Variants in LGR6 observed in about 807,000 individuals in gnomAD.
LGR6 encodes leucine rich repeat containing G protein-coupled receptor 6.
In LGR6, 45 loss-of-function variants were observed where a neutral mutation model predicts 69.4. The observed-to-expected ratio is 0.65, with a 90% confidence interval of 0.51 to 0.83. The LOEUF is 0.83. Among genes scored for constraint, LGR6 ranks in the 40% least tolerant of loss-of-function variants. The probability of loss-of-function intolerance (pLI) is 0.00; values close to 1 mark genes in which losing one functional copy is unlikely to be tolerated. For missense variants in LGR6, 1,108 were observed against 1,246.7 expected, an observed-to-expected ratio of 0.89 and a Z score of 1.68; for synonymous variants, 538 against 555.0, an observed-to-expected ratio of 0.97 and a Z score of 0.43.
At chr1:202,218,850 A>G (rs1180037556) in intron 1 of LGR6, among the ~76,000 whole-genome samples, 1 of 152,190 alleles carries the variant, frequency 6.6e-6, no homozygotes, top group Non-Finnish European at 1.5e-5. Context: ...AGCAGTTTGT[A>G]AACTACAAAG....
intron 4 of LGR6, among the ~76,000 whole-genome samples, chr1:202,240,496 T>C (rs1662096385): frequency 2.0e-5 from 3 of 152,168 alleles, no homozygotes; most frequent in South Asian, 4.2e-4. Context: ...TTGTGGTGCC[T>C]GCAGGCAGGA....
intron 9 of LGR6, among the ~76,000 whole-genome samples, chr1:202,301,631 G>A (rs1008099783): frequency 1.3e-5 from 2 of 152,210 alleles, no homozygotes; most frequent in Non-Finnish European, 2.9e-5. Context: ...TGGGCACTTT[G>A]CTGTGCCATC....
chr1:202,297,658 T>C (rs1322469459), intron 7 of LGR6, 82 bp downstream of exon 7: 1 of 1,083,088 alleles, frequency 9.2e-7, no homozygotes, highest in African/African-American at 1.6e-5. Context: ...CCTCATGCTC[T>C]TACCTCCTCA....
chr1:202,290,531 G>C (rs1416859754), intron 6 of LGR6, among the ~76,000 whole-genome samples: 2 of 152,234 alleles, frequency 1.3e-5, no homozygotes, highest in South Asian at 2.1e-4. Context: ...CTGGCTCTGG[G>C]ACTTGCAGCA....
At chr1:202,241,560 A>AG (rs1194518559) in intron 4 of LGR6, among the ~76,000 whole-genome samples, 3 of 151,984 alleles carry the variant, frequency 2.0e-5, no homozygotes, top group Non-Finnish European at 4.4e-5. Context: ...CCAGTTTGGG[A>AG]GGGGGGAGAA....
At chr1:202,301,395 C>T (rs1052835499) in intron 9 of LGR6, among the ~76,000 whole-genome samples, 160 bp downstream of exon 9, 2 of 152,338 alleles carry the variant, frequency 1.3e-5, no homozygotes, top group South Asian at 2.1e-4. Context: ...TGCTCAGACC[C>T]GTTCCCACCT....
At chr1:202,235,873 A>G in intron 3 of LGR6, 49 bp from the exon 4 acceptor site, 2 of 1,558,014 alleles carry the variant, frequency 1.3e-6, no homozygotes, top group East Asian at 2.2e-5. Context: ...CCCTCCAGCC[A>G]GCTCTGCATA....
intron 12 of LGR6, 49 bp downstream of exon 12, chr1:202,305,798 G>A (rs763073610): frequency 2.9e-5 from 44 of 1,493,526 alleles, no homozygotes; most frequent in Non-Finnish European, 2.6e-5. Context: ...CAGACCCTGA[G>A]CAAGTCCTGT....
intron 5 of LGR6, 45 bp downstream of exon 5, chr1:202,276,566 G>C: frequency 1.3e-6 from 2 of 1,485,888 alleles, no homozygotes; most frequent in Non-Finnish European, 1.9e-6. Flanking sequence ...TCCTGCTGGG[G>C]GCTGGGGGCT....
At chr1:202,277,824 T>G in intron 5 of LGR6, among the ~76,000 whole-genome samples, 1 of 86,238 alleles carries the variant, frequency 1.2e-5, no homozygotes, top group African/African-American at 4.8e-5. Context: ...GTGGGAAGGC[T>G]GAGGTGGAGG....
intron 16 of LGR6, among the ~76,000 whole-genome samples, chr1:202,314,249 A>G (rs1051372944): frequency 1.3e-5 from 2 of 152,164 alleles, no homozygotes; most frequent in African/African-American, 4.8e-5. Context: ...GAGGACGGCC[A>G]TGATACCCCC....
chr1:202,286,297 C>T (rs1666389103), intron 6 of LGR6, among the ~76,000 whole-genome samples: 1 of 152,210 alleles, frequency 6.6e-6, no homozygotes, highest in South Asian at 2.1e-4. Flanking sequence ...CCAGATGAAT[C>T]TCGCAAATTT....
chr1:202,290,400 T>C lies in LGR6; in HGVS notation c.717-7108T>C, dbSNP rs555695364. 3.9e-5 allele frequency among the ~76,000 whole-genome samples: 6 copies of C among 152,344 alleles called. No homozygotes were observed. The East Asian group carries it at 1.2e-3, about 29-fold the overall frequency. On this transcript the variant is annotated intron_variant, in intron 6 of 17. Transcript: ENST00000367278. ...AGAAGCCCAATCCTCCACGTCCATT[T>C]ATCCTCTCTCCCTAAAATTTTTTTG...
intron 6 of LGR6, among the ~76,000 whole-genome samples, chr1:202,289,581 A>G (rs1404784087): frequency 6.6e-6 from 1 of 152,230 alleles, no homozygotes; most frequent in African/African-American, 2.4e-5. Context: ...GTGTCTCTCA[A>G]TGGAAGCTAA....
intron 16 of LGR6, among the ~76,000 whole-genome samples, chr1:202,310,736 A>C (rs1489003765): frequency 6.6e-6 from 1 of 152,146 alleles, no homozygotes; most frequent in Non-Finnish European, 1.5e-5. Flanking sequence ...TTATTTTATC[A>C]ATCTGAGCCA....
At chr1:202,238,988 G>GC (rs1661891831) in intron 4 of LGR6, among the ~76,000 whole-genome samples, 1 of 151,840 alleles carries the variant, frequency 6.6e-6, no homozygotes, top group Non-Finnish European at 1.5e-5. Context: ...AATGGCGTCA[G>GC]CCCCCAAAAT....
intron 7 of LGR6, among the ~76,000 whole-genome samples, chr1:202,299,723 A>T (rs1667440704): frequency 6.6e-6 from 1 of 152,170 alleles, no homozygotes; most frequent in African/African-American, 2.4e-5. Flanking sequence ...TGAAGCTGTG[A>T]GTGAGACAGC....
In LGR6 at chr1:202,251,797, T is replaced by G. The variant is rs1325432581; in HGVS notation, c.428+15804T>G. On this transcript the variant is annotated intron_variant, in intron 4 of 17. Coordinates refer to ENST00000367278, the MANE Select transcript of LGR6 (RefSeq NM_001017403.2). ...GAAGGGCCTTAGAGTAAAACCCCCC[T>G]CAGAACATCTGGAGTGTGGGGGGCT... Among the ~76,000 whole-genome samples the G allele has an allele frequency of 2.6e-5, 4 of 151,680 alleles. No homozygotes were observed. The South Asian group carries it at 8.3e-4, about 32-fold the overall frequency.
chr1:202,206,664 T>C (rs113506323), intron 1 of LGR6, among the ~76,000 whole-genome samples: 4,077 of 151,892 alleles, frequency 0.027, 176 homozygotes, highest in African/African-American at 0.093. Context: ...ATCCTCCCAC[T>C]TCAGCCTCCT....
Sources: gnomAD v4.1 joint callset for allele counts (sites outside exome capture counted in the v4.1 genomes callset) on GRCh38, gnomAD v4.1.1 for gene constraint, MANE v1.5 for transcripts, NCBI Gene and HGNC (gene_info 2026-07-23, HGNC 2026-07-21) for gene names.